Variants in POU2F3 observed in about 807,000 individuals in gnomAD.
The protein encoded by POU2F3 is POU domain, class 2, transcription factor 3.
A neutral mutation model predicts 59.2 loss-of-function variants in POU2F3; 23 were observed. That is an observed-to-expected ratio of 0.39 (90% CI 0.28 to 0.55). The LOEUF (loss-of-function observed/expected upper bound fraction) is 0.55. Among genes scored for constraint, POU2F3 ranks in the 20% least tolerant of loss-of-function variants. POU2F3 has a pLI of 0.66. For missense variants in POU2F3, 473 were observed against 544.5 expected, an observed-to-expected ratio of 0.87 and a Z score of 1.31; for synonymous variants, 190 against 214.6, an observed-to-expected ratio of 0.89 and a Z score of 1.00.
At chr11:120,309,385 C>T in intron 9 of POU2F3, 40 bp from the exon 10 acceptor site, 1 of 1,554,128 alleles carries the variant, frequency 6.4e-7, no homozygotes, top group Non-Finnish European at 8.9e-7. Flanking sequence ...GCCCCTGATT[C>T]CCTTCTCTTG....
chr11:120,252,984 G>C (rs990702356), intron 2 of POU2F3, among the ~76,000 whole-genome samples: 3 of 152,172 alleles, frequency 2.0e-5, no homozygotes, highest in Non-Finnish European at 4.4e-5. Context: ...AAAAGGAGGG[G>C]GAGCCTGGTG....
intron 2 of POU2F3, among the ~76,000 whole-genome samples, chr11:120,249,512 T>C (rs1358698014): frequency 2.0e-5 from 3 of 152,188 alleles, no homozygotes; most frequent in Non-Finnish European, 2.9e-5. Flanking sequence ...ACCGGGACTT[T>C]TCTCCACTCT....
At chr11:120,311,935 G>T (rs978413237) in intron 10 of POU2F3, among the ~76,000 whole-genome samples, 16 of 152,198 alleles carry the variant, frequency 1.1e-4, no homozygotes, top group Non-Finnish European at 1.9e-4. Flanking sequence ...TAGATGTGCG[G>T]AGTGTTGGGC....
intron 3 of POU2F3, among the ~76,000 whole-genome samples, chr11:120,273,548 G>C (rs1022926932): frequency 6.6e-6 from 1 of 152,186 alleles, no homozygotes; most frequent in Non-Finnish European, 1.5e-5. Context: ...TATTCTGTGG[G>C]CAGTAAGGCG....
At chr11:120,293,160 T>C (rs2155810) in intron 3 of POU2F3, among the ~76,000 whole-genome samples, 65,039 of 151,980 alleles carry the variant, frequency 0.43, 16,672 homozygotes, top group East Asian at 0.86. Context: ...GTGATAATCC[T>C]AGTTTGTGTG....
chr11:120,299,662 G>A lies in POU2F3; in HGVS notation c.297G>A (p.Leu99=). 1 of 1,613,882 alleles carries A rather than the reference G, an allele frequency of 6.2e-7. No individual in the cohort carries two copies. Among genetic ancestry groups the A allele is most frequent in the East Asian group, 2.2e-5 (1 of 44,882 alleles). ...ASLHPLQQLV[L]VPGHLQSVSQ... ...TCCATCCGCTCCAGCAGCTTGTGCTGGTTCCCGGCCACTTACAGTCTGTAT... is the reference window on the plus strand; with the variant it reads ...TCCATCCGCTCCAGCAGCTTGTGCTAGTTCCCGGCCACTTACAGTCTGTAT... Residue 99 remains leucine (L), a synonymous_variant, in exon 5 of 13, where the codon CTG becomes CTA. Coordinates refer to ENST00000543440, the MANE Select transcript of POU2F3 (RefSeq NM_014352.4).
intron 1 of POU2F3, among the ~76,000 whole-genome samples, chr11:120,243,288 G>T (rs1252597433): frequency 2.6e-5 from 4 of 152,182 alleles, no homozygotes; most frequent in Non-Finnish European, 5.9e-5. Context: ...ATGGACACTA[G>T]GAGAGAGGGC....
intron 2 of POU2F3, 36 bp from the exon 3 acceptor site, chr11:120,269,174 T>C: frequency 6.6e-7 from 1 of 1,522,648 alleles, no homozygotes; most frequent in Non-Finnish European, 9.1e-7. Context: ...CCAAACCTGC[T>C]ACCAACTAAT....
At chr11:120,270,315 G>C (rs894114628) in intron 3 of POU2F3, among the ~76,000 whole-genome samples, 3 of 152,118 alleles carry the variant, frequency 2.0e-5, no homozygotes, top group African/African-American at 7.2e-5. Flanking sequence ...TATAGAGAGA[G>C]GGAGAGGGAC....
At chr11:120,242,750 G>A (rs1938718458) in intron 1 of POU2F3, among the ~76,000 whole-genome samples, 1 of 152,214 alleles carries the variant, frequency 6.6e-6, no homozygotes, top group Non-Finnish European at 1.5e-5. Context: ...AGGTCTGCCT[G>A]GAGCCTTCGC....
At chr11:120,291,371 C>A (rs1324240444) in intron 3 of POU2F3, among the ~76,000 whole-genome samples, 5 of 152,222 alleles carry the variant, frequency 3.3e-5, no homozygotes, top group African/African-American at 1.2e-4. Flanking sequence ...TTAGGACTAA[C>A]TTGACTGTAG....
chr11:120,295,051 G>A (rs946318992), intron 3 of POU2F3, among the ~76,000 whole-genome samples: 1 of 152,092 alleles, frequency 6.6e-6, no homozygotes, highest in African/African-American at 2.4e-5. Flanking sequence ...ACACCCAAAG[G>A]GCTTTTCTGC....
At position 120,318,744 on chromosome 11, in the gene POU2F3, C is replaced by T. The variant is rs938091946; in HGVS notation, c.*352C>T. 10 of 237,352 alleles carry T rather than the reference C, an allele frequency of 4.2e-5. No individual in the cohort carries two copies. Among genetic ancestry groups the T allele is most frequent in the African/African-American group, 9.1e-5 (4 of 43,910 alleles). 14.7% of individuals were successfully genotyped at this position (237,352 alleles called of 1,614,324 possible). On this transcript the variant is annotated 3_prime_UTR_variant, in exon 13 of 13. Transcript: ENST00000543440. Reference sequence around the variant, plus strand: ...TCTTGCTGTTATTCTCCAACTCATCCGTGGGCTTCTGGGGACAGCCATTTG... The same window carrying T: ...TCTTGCTGTTATTCTCCAACTCATCTGTGGGCTTCTGGGGACAGCCATTTG...
chr11:120,269,320 G>T, intron 3 of POU2F3, 76 bp downstream of exon 3: 2 of 1,263,472 alleles, frequency 1.6e-6, no homozygotes, highest in South Asian at 2.5e-5. Context: ...TATGGAGGAA[G>T]ACAAGATTAA....
chr11:120,258,743 G>A (rs1223310427), intron 2 of POU2F3, among the ~76,000 whole-genome samples: 1 of 152,184 alleles, frequency 6.6e-6, no homozygotes, highest in Non-Finnish European at 1.5e-5. Flanking sequence ...CTGAGTGCCT[G>A]GACACTTTTT....
chr11:120,288,369 C>T (rs1940890517), intron 3 of POU2F3, among the ~76,000 whole-genome samples: 1 of 152,082 alleles, frequency 6.6e-6, no homozygotes, highest in Non-Finnish European at 1.5e-5. Context: ...AATGTCTATC[C>T]AAAACCGAAA....
At chr11:120,288,111 AAAAC>A (rs1388424599) in intron 3 of POU2F3, among the ~76,000 whole-genome samples, 1 of 131,314 alleles carries the variant, frequency 7.6e-6, no homozygotes, top group Non-Finnish European at 1.5e-5. Flanking sequence ...AGAAAGAAAG[AAAAC>A]AAACAAAAAA....
Position 120,305,109 on chromosome 11 carries a change from A to G in POU2F3, c.524A>G (p.His175Arg). The change falls in exon 7 of 13, where the codon CAT (histidine) becomes CGT (arginine). Residue 175 changes from histidine (H) to arginine (R), a missense_variant. Coordinates refer to ENST00000543440, the MANE Select transcript of POU2F3 (RefSeq NM_014352.4). ...TCCCAGCATCTCCCAGTGCCCAAGC[A>G]TCTACCCAGCTCTGGAGGGGCCGAT... The part of the protein sequence containing the change: ...EASQHLPVPK[H>R]LPSSGGADEP... The G allele has an allele frequency of 6.2e-7, 1 of 1,614,044 alleles. No individual in the cohort carries two copies. Among genetic ancestry groups the G allele is most frequent in the Non-Finnish European group, 8.5e-7 (1 of 1,180,014 alleles).
At position 120,305,031 on chromosome 11, in the gene POU2F3, C is replaced by T. The variant is rs201145362; in HGVS notation, c.446C>T (p.Ala149Val). 3.3e-4 allele frequency: 526 copies of T among 1,599,614 alleles called. 1 individual carries two copies. Among genetic ancestry groups the T allele is most frequent in the Non-Finnish European group, 4.3e-4 (503 of 1,172,880 alleles). The change falls in exon 7 of 13, where the codon GCA (alanine) becomes GTA (valine). Residue 149 changes from alanine to valine, a missense_variant and splice_region_variant. Coordinates refer to ENST00000543440, the MANE Select transcript of POU2F3 (RefSeq NM_014352.4). ...PQTGPGLASQ[A>V]FGHPGLPGSS... ...TCTGCTTGGCGTGTTTCCTATCAGG[C>T]ATTTGGGCACCCTGGGCTGCCAGGA...
Sources: gnomAD v4.1 joint callset for allele counts (sites outside exome capture counted in the v4.1 genomes callset) on GRCh38, gnomAD v4.1.1 for gene constraint, MANE v1.5 for transcripts, NCBI Gene and HGNC (gene_info 2026-07-23, HGNC 2026-07-21) for gene names.